Variants in SLC25A53 observed in about 807,000 individuals in gnomAD.
SLC25A53 encodes the protein mitochondrial carrier triple repeat protein 6.
SLC25A53 carries 5 observed loss-of-function variants against 15.0 expected under a neutral mutation model. That is an observed-to-expected ratio of 0.33 (90% CI 0.17 to 0.70). SLC25A53 has a LOEUF of 0.70. Ranked by LOEUF, SLC25A53 falls within the 30% of genes least tolerant of loss-of-function variation. The probability of loss-of-function intolerance (pLI) is 0.67; values close to 1 mark genes in which losing one functional copy is unlikely to be tolerated. For synonymous variants in SLC25A53, 95 were observed against 100.0 expected (o/e 0.95, Z 0.30); for missense variants, 216 against 241.6 (o/e 0.89, Z 0.70).
intron 1 of SLC25A53, chrX:104,114,909 A>G: frequency 8.3e-7 from 1 of 1,202,267 alleles, no homozygotes; most frequent in Non-Finnish European, 1.1e-6. Context: ...GCAACGTGAT[A>G]GAAATAGATG....
intron 1 of SLC25A53, among the ~76,000 whole-genome samples, chrX:104,151,611 A>C (rs188043791): frequency 9.1e-4 from 101 of 111,541 alleles, no homozygotes; most frequent in Non-Finnish European, 1.2e-3. Flanking sequence ...TAGTTTAAGG[A>C]ATCAGCTGTA....
chrX:104,135,240 G>A (rs2075433768), intron 1 of SLC25A53, among the ~76,000 whole-genome samples: 1 of 110,254 alleles, frequency 9.1e-6, no homozygotes, highest in Non-Finnish European at 1.9e-5. Context: ...TTCACTGCAT[G>A]TCCTGCCCCT....
intron 1 of SLC25A53, chrX:104,114,187 T>C: frequency 8.3e-7 from 1 of 1,209,377 alleles, no homozygotes; most frequent in Admixed American, 2.2e-5. Context: ...CCATTCCATG[T>C]TGAGGTCTCT....
intron 1 of SLC25A53, among the ~76,000 whole-genome samples, chrX:104,135,653 G>A (rs2075434823): frequency 9.0e-6 from 1 of 110,931 alleles, no homozygotes; most frequent in South Asian, 3.8e-4. Flanking sequence ...TCCACTCACT[G>A]CTCCAATCCA....
chrX:104,117,092 TCA>T (rs1435231622), intron 1 of SLC25A53, among the ~76,000 whole-genome samples: 1 of 87,745 alleles, frequency 1.1e-5, no homozygotes, highest in Non-Finnish European at 2.1e-5. Context: ...ATCTGTATCC[TCA>T]GTCTCATTCC....
chrX:104,120,859 TAA>T (rs2075391109), intron 1 of SLC25A53, among the ~76,000 whole-genome samples: 1 of 112,283 alleles, frequency 8.9e-6, no homozygotes, highest in African/African-American at 3.2e-5. Flanking sequence ...TAATTTACCA[TAA>T]GTTTTTAAAA....
In SLC25A53 at chrX:104,156,966, G is replaced by A. The variant is rs2075503582; in HGVS notation, c.-120C>T. The A allele has an allele frequency of 9.0e-6, 1 of 111,398 alleles. No individual in the cohort carries two copies. The highest frequency in any genetic ancestry group is 3.3e-5 in the African/African-American group (1 of 30,579). The allele number at this position is 111,398 out of a possible 1,213,427, so 9.2% of individuals were successfully genotyped here. On this transcript the variant is annotated 5_prime_UTR_variant, in exon 1 of 2. Transcript: ENST00000594199. ...CGACAGTCGCAGTCACCGGACCTTC[G>A]CCCATCCGCCGCCCTCACTTAAGCG...
At chrX:104,126,436 T>G (rs1434173005) in intron 1 of SLC25A53, among the ~76,000 whole-genome samples, 1 of 111,746 alleles carries the variant, frequency 8.9e-6, no homozygotes, top group African/African-American at 3.3e-5. Context: ...AGAGCATCAC[T>G]TGAGGCCAGG....
At chrX:104,105,756 T>C (rs1832790627) in intron 1 of SLC25A53, among the ~76,000 whole-genome samples, 1 of 112,081 alleles carries the variant, frequency 8.9e-6, no homozygotes, top group Non-Finnish European at 1.9e-5. Context: ...GGTATTAAAT[T>C]TGGGGAGGGG....
intron 1 of SLC25A53, among the ~76,000 whole-genome samples, chrX:104,131,802 G>A (rs782480703): frequency 9.1e-6 from 1 of 110,427 alleles, no homozygotes; most frequent in South Asian, 3.8e-4. Flanking sequence ...AATATATATC[G>A]CCATCCCAGA....
At chrX:104,122,902 C>T (rs1362539321) in intron 1 of SLC25A53, among the ~76,000 whole-genome samples, 1 of 112,132 alleles carries the variant, frequency 8.9e-6, no homozygotes, top group African/African-American at 3.2e-5. Flanking sequence ...CCTTTGGCTC[C>T]TTATCCTCAA....
intron 1 of SLC25A53, among the ~76,000 whole-genome samples, chrX:104,131,845 C>T (rs1354014674): frequency 4.5e-5 from 5 of 111,705 alleles, no homozygotes; most frequent in Non-Finnish European, 9.4e-5. Context: ...CTCATGTACT[C>T]ACCTAGATGT....
At chrX:104,145,669 T>A (rs1298779694) in intron 1 of SLC25A53, among the ~76,000 whole-genome samples, 1 of 112,262 alleles carries the variant, frequency 8.9e-6, no homozygotes, top group East Asian at 2.8e-4. Context: ...CATCAGAGAA[T>A]ACTATAAACA....
At chrX:104,155,091 A>C (rs935127568) in intron 1 of SLC25A53, among the ~76,000 whole-genome samples, 3 of 111,306 alleles carry the variant, frequency 2.7e-5, no homozygotes, top group African/African-American at 9.8e-5. Context: ...ATTTTATTTC[A>C]TATCTACTGT....
intron 1 of SLC25A53, among the ~76,000 whole-genome samples, chrX:104,145,915 T>C (rs2075465119): frequency 8.9e-6 from 1 of 112,094 alleles, no homozygotes; most frequent in Non-Finnish European, 1.9e-5. Flanking sequence ...TCTGAAACTA[T>C]TCCAAACAAC....
chrX:104,122,761 C>A (rs1263130047), intron 1 of SLC25A53, among the ~76,000 whole-genome samples: 3 of 111,255 alleles, frequency 2.7e-5, no homozygotes, highest in African/African-American at 9.8e-5. Flanking sequence ...CCTCTCAGAG[C>A]AGGGAGTCAA....
intron 1 of SLC25A53, among the ~76,000 whole-genome samples, chrX:104,145,666 G>A (rs1344321996): frequency 8.9e-6 from 1 of 112,220 alleles, no homozygotes; most frequent in Non-Finnish European, 1.9e-5. Flanking sequence ...TACCATCAGA[G>A]AATACTATAA....
chrX:104,115,644 T>G lies in SLC25A53; in HGVS notation c.-31-10356A>C, dbSNP rs1028135591. 7.3e-5 allele frequency: 16 copies of G among 219,176 alleles called. No homozygotes were observed. In the Admixed American group the frequency reaches 1.0e-3, roughly 14 times the overall value. 18.1% of individuals were successfully genotyped at this position (219,176 alleles called of 1,213,427 possible). A position where few individuals can be genotyped will look rare whatever the true frequency, so the allele number is the denominator to read the frequency against. On this transcript the variant is annotated intron_variant, in intron 1 of 1. Transcript: ENST00000594199. ...TACAAAAACTAAAGTACAAATTACC[T>G]GAAACTCAGCACCCTTTTGTAACCA...
At position 104,114,317 on chromosome X, in the gene SLC25A53, A is replaced by G; in HGVS notation, c.-31-9029T>C. 3.3e-6 allele frequency: 4 copies of G among 1,211,672 alleles called. No individual in the cohort carries two copies. On this transcript the variant is annotated intron_variant, in intron 1 of 1. Coordinates refer to ENST00000594199, the MANE Select transcript of SLC25A53 (RefSeq NM_001012755.5). Reference sequence around the variant, plus strand: ...TTTGAAAACTGGCTGATCCAAGTCAATGAGGTCCTGCCAGATTGGAGTATG... The same window carrying G: ...TTTGAAAACTGGCTGATCCAAGTCAGTGAGGTCCTGCCAGATTGGAGTATG...
Sources: gnomAD v4.1 joint callset for allele counts (sites outside exome capture counted in the v4.1 genomes callset) on GRCh38, gnomAD v4.1.1 for gene constraint, MANE v1.5 for transcripts, NCBI Gene and HGNC (gene_info 2026-07-23, HGNC 2026-07-21) for gene names.